BCR: variants seen among roughly 807,000 people sequenced by gnomAD.
BCR encodes the protein BCR activator of RhoGEF and GTPase.
BCR carries 58 observed loss-of-function variants against 138.6 expected under a neutral mutation model. The ratio of observed to expected loss-of-function variants is 0.42; its 90% CI spans 0.34 to 0.52. The LOEUF (loss-of-function observed/expected upper bound fraction) is 0.52. Ranked by LOEUF, BCR falls within the 20% of genes least tolerant of loss-of-function variation. BCR has a pLI of 0.06. For missense variants in BCR, 1,599 were observed against 1,727.2 expected, an observed-to-expected ratio of 0.93 and a Z score of 1.32; for synonymous variants, 786 against 730.1, an observed-to-expected ratio of 1.08 and a Z score of -1.23.
At chr22:23,277,054 G>A (rs1021360370) in intron 8 of BCR, among the ~76,000 whole-genome samples, 5 of 152,206 alleles carry the variant, frequency 3.3e-5, no homozygotes, top group African/African-American at 1.2e-4. Context: ...CTCCCCTGAC[G>A]ACACTAGCCA....
chr22:23,314,165 C>CT (rs911532314), intron 21 of BCR, 92 bp downstream of exon 21: 55 of 1,038,230 alleles, frequency 5.3e-5, no homozygotes, highest in Non-Finnish European at 7.5e-5. Context: ...CACCGAGGAC[C>CT]TTTTCTCCTG....
intron 16 of BCR, 95 bp downstream of exon 16, chr22:23,295,250 AGGGTG>A (rs1258660095): frequency 8.4e-5 from 42 of 497,194 alleles, no homozygotes; most frequent in East Asian, 1.3e-4. Context: ...CCTTGCACCC[AGGGTG>A]GGGTGGGGTG....
chr22:23,286,028 C>T (rs1408248447), intron 10 of BCR, among the ~76,000 whole-genome samples: 3 of 152,180 alleles, frequency 2.0e-5, no homozygotes, highest in Admixed American at 6.5e-5. Context: ...CGTCCTTTGC[C>T]GTGTGGTTCC....
intron 9 of BCR, among the ~76,000 whole-genome samples, chr22:23,284,666 C>T (rs902340666): frequency 1.3e-5 from 2 of 152,172 alleles, no homozygotes; most frequent in Non-Finnish European, 2.9e-5. Flanking sequence ...GAGGGGATGA[C>T]GCCAGCTAGA....
chr22:23,180,835 C>T lies in BCR; in HGVS notation c.-126C>T. The T allele has an allele frequency of 2.3e-6, 1 of 441,284 alleles. No homozygotes were observed. The highest frequency in any genetic ancestry group is 2.9e-6 in the Non-Finnish European group (1 of 350,634). 27.3% of individuals were successfully genotyped at this position (441,284 alleles called of 1,614,324 possible). On this transcript the variant is annotated 5_prime_UTR_variant, in exon 1 of 23. Coordinates refer to ENST00000305877, the MANE Select transcript of BCR (RefSeq NM_004327.4). ...CCAGGGAGTGGGCGGGCATTGTTCGCCGCCGCCGCCGCCGCGCGGGCCATG... is the reference window on the plus strand; with the variant it reads ...CCAGGGAGTGGGCGGGCATTGTTCGTCGCCGCCGCCGCCGCGCGGGCCATG...
At chr22:23,279,656 C>G (rs1453888733) in intron 8 of BCR, among the ~76,000 whole-genome samples, 1 of 152,274 alleles carries the variant, frequency 6.6e-6, no homozygotes, top group Non-Finnish European at 1.5e-5. Flanking sequence ...ACTTCCTCAG[C>G]TGCTATGTGG....
chr22:23,298,982 C>T (rs950411930), intron 16 of BCR, among the ~76,000 whole-genome samples: 2 of 152,260 alleles, frequency 1.3e-5, no homozygotes, highest in South Asian at 4.1e-4. Context: ...CCCCCTGGGG[C>T]CTGCCCCTCT....
chr22:23,286,303 G>T (rs565500706), intron 10 of BCR, among the ~76,000 whole-genome samples: 2 of 152,212 alleles, frequency 1.3e-5, no homozygotes, highest in Non-Finnish European at 2.9e-5. Flanking sequence ...CAGAGGAGGC[G>T]GGTGGCATCA....
intron 1 of BCR, among the ~76,000 whole-genome samples, chr22:23,252,131 G>A (rs1233719071): frequency 1.3e-5 from 2 of 152,208 alleles, no homozygotes; most frequent in Non-Finnish European, 2.9e-5. Flanking sequence ...TACTCACATT[G>A]GGGTAAGGGT....
chr22:23,276,502 A>G (rs56161706), intron 8 of BCR, among the ~76,000 whole-genome samples: 3,886 of 151,932 alleles, frequency 0.026, 76 homozygotes, highest in Non-Finnish European at 0.027. Context: ...GCACTTGCTC[A>G]TTGAGGAGGG....
intron 1 of BCR, among the ~76,000 whole-genome samples, chr22:23,202,745 GTGTA>G (rs1473704976): frequency 3.4e-5 from 5 of 147,518 alleles, no homozygotes; most frequent in Admixed American, 6.7e-5. Context: ...GTGTGTGTGT[GTGTA>G]TATATATATA....
At chr22:23,302,944 C>T (rs1011325882) in intron 16 of BCR, 3 of 152,086 alleles carry the variant, frequency 2.0e-5, no homozygotes, top group Admixed American at 6.6e-5. Flanking sequence ...TCCTCACAAA[C>T]GACAGATAAG....
In BCR at chr22:23,182,199, C is replaced by G. The variant is rs56321828; in HGVS notation, c.1239C>G (p.Ile413Met). ...TIVGVRKTGQ[I>M]WPNDGEGAFH... Reference sequence around the variant, plus strand: ...TGGGCGTCCGCAAGACCGGGCAGATCTGGCCCAACGATGGCGAGGGCGCCT... The same window carrying G: ...TGGGCGTCCGCAAGACCGGGCAGATGTGGCCCAACGATGGCGAGGGCGCCT... The change falls in exon 1 of 23, where the codon ATC becomes ATG. Residue 413 changes from isoleucine (I) to methionine (M), a missense_variant. By Grantham distance (10) the Ile-to-Met change is conservative. Transcript: ENST00000305877. The G allele has an allele frequency of 9.2e-4, 1,465 of 1,592,832 alleles. 2 individuals carry two copies. The highest frequency in any genetic ancestry group is 1.7e-3 in the Middle Eastern group (10 of 6,046).
intron 8 of BCR, among the ~76,000 whole-genome samples, 189 bp downstream of exon 8, chr22:23,273,963 A>G (rs1461968410): frequency 6.6e-6 from 1 of 152,104 alleles, no homozygotes; most frequent in African/African-American, 2.4e-5. Context: ...GTGACCCTGC[A>G]AGCACCATGC....
At chr22:23,308,349 A>G (rs1311189372) in intron 16 of BCR, among the ~76,000 whole-genome samples, 1 of 152,058 alleles carries the variant, frequency 6.6e-6, no homozygotes, top group Non-Finnish European at 1.5e-5. Flanking sequence ...TGTGTCGCCC[A>G]GGCTGGAGTG....
chr22:23,275,422 T>A (rs2073564849), intron 8 of BCR, among the ~76,000 whole-genome samples: 1 of 152,156 alleles, frequency 6.6e-6, no homozygotes, highest in Non-Finnish European at 1.5e-5. Context: ...ATGGGCATGA[T>A]TTAGTGGCAG....
Position 23,311,814 on chromosome 22 carries a change from A to T in BCR, c.3300A>T (p.Ala1100=). 6.2e-7 allele frequency: 1 copy of T among 1,611,802 alleles called. No homozygotes were observed. Among genetic ancestry groups the T allele is most frequent in the Non-Finnish European group, 8.5e-7 (1 of 1,179,858 alleles). ...RVSGVATDIQ[A]LKAAFDVNNK... is the part of the protein sequence containing the mutation. ...CCGGTGTGGCCACGGACATCCAGGC[A>T]CTGAAGGCAGCCTTCGACGTCAGTG... Residue 1100 remains alanine, a synonymous_variant, in exon 19 of 23, where the codon GCA becomes GCT. Coordinates refer to ENST00000305877, the MANE Select transcript of BCR (RefSeq NM_004327.4).
At chr22:23,242,996 G>C (rs1213540781) in intron 1 of BCR, 1 of 406,098 alleles carries the variant, frequency 2.5e-6, no homozygotes, top group Non-Finnish European at 4.9e-6. Flanking sequence ...GTATGCCTGT[G>C]TCTTCTGTCT....
At chr22:23,245,521 C>G (rs2073146751) in intron 1 of BCR, among the ~76,000 whole-genome samples, 1 of 152,082 alleles carries the variant, frequency 6.6e-6, no homozygotes, top group Non-Finnish European at 1.5e-5. Flanking sequence ...GGCCTTTAGC[C>G]AGGGTGCGGT....
Sources: allele counts gnomAD v4.1 joint callset (sites outside exome capture counted in the v4.1 genomes callset), GRCh38; gene constraint gnomAD v4.1.1; transcripts MANE v1.5; gene names NCBI Gene and HGNC (gene_info 2026-07-23, HGNC 2026-07-21).